Variants in NBEAL1 observed in about 807,000 individuals in gnomAD.
The protein encoded by NBEAL1 is neurobeachin-like protein 1.
Under a neutral mutation model 351.3 loss-of-function variants are expected in NBEAL1, and 273 were observed. The observed-to-expected ratio is 0.78, with a 90% CI of 0.70 to 0.86. NBEAL1 has a LOEUF of 0.86. Among genes scored for constraint, NBEAL1 ranks in the 40% least tolerant of loss-of-function variants. The probability of loss-of-function intolerance (pLI) is 0.00; values close to 1 mark genes in which losing one functional copy is unlikely to be tolerated. For synonymous variants in NBEAL1, 1,050 were observed against 1,086.4 expected (o/e 0.97, Z 0.66); for missense variants, 2,961 against 3,201.3 (o/e 0.92, Z 1.81).
rs1310035939 is a variant in NBEAL1, at chr2:203,127,785, G to A, written c.3253G>A (p.Gly1085Ser). 7 of 1,491,350 alleles carry A rather than the reference G, an allele frequency of 4.7e-6. No homozygotes were observed. The East Asian group carries it at 1.7e-4, about 37-fold the overall frequency. The allele number at this position is 1,491,350 out of a possible 1,614,324, so 92.4% of individuals were successfully genotyped here. Residue 1085 changes from glycine (G) to serine (S), a missense_variant, in exon 24 of 56, where the codon GGT (glycine) becomes AGT (serine). Coordinates refer to ENST00000683969, the MANE Select transcript of NBEAL1 (RefSeq NM_001378026.1). ...LDTLRIYYGN[G>S]CKYNELSLDD... The stretch of plus-strand genomic sequence containing the variant: ...ATACTTTGTTTTGTCTTTCAGGAAT[G>A]GTTGTAAATATAATGAACTATCTCT...
chr2:203,108,015 A>G lies in NBEAL1; in HGVS notation c.1776A>G (p.Leu592=). The change falls in exon 14 of 56, where the codon CTA becomes CTG. Residue 592 remains leucine (L), a synonymous_variant. Coordinates refer to ENST00000683969, the MANE Select transcript of NBEAL1 (RefSeq NM_001378026.1). ...TGACAATGGCCCGAAAACTAAGTCT[A>G]GAGAGTGCCCTCCAGTATTTCAATT... ...AILTMARKLS[L]ESALQYFNLS... is the part of the protein sequence containing the mutation. 6.4e-7 allele frequency: 1 copy of G among 1,554,338 alleles called. No homozygotes were observed. The highest frequency in any genetic ancestry group is 8.7e-7 in the Non-Finnish European group (1 of 1,147,864).
rs1472526146 is a variant in NBEAL1, at chr2:203,108,168, G to GA, written c.1933dup (p.Arg645LysfsTer16). 3.9e-6 allele frequency: 6 copies of GA among 1,549,910 alleles called. No homozygotes were observed. In the Admixed American group the frequency reaches 1.2e-4, roughly 30 times the overall value. On this transcript the variant is annotated frameshift_variant, in exon 14 of 56. Coordinates refer to ENST00000683969, the MANE Select transcript of NBEAL1 (RefSeq NM_001378026.1). LOFTEE classifies it high-confidence loss of function. ...CTCTTGGCATTGCTAACAAAGGAGG[G>GA]AAAAGGAAACAATTGTACAGGTATT...
Position 203,130,403 on chromosome 2 carries a change from G to A in NBEAL1, c.3491G>A (p.Gly1164Glu). 4 of 1,534,476 alleles carry A rather than the reference G, an allele frequency of 2.6e-6. No individual in the cohort carries two copies. Among genetic ancestry groups the A allele is most frequent in the Non-Finnish European group, 3.5e-6 (4 of 1,140,860 alleles). Residue 1164 changes from glycine (G) to glutamate (E), a missense_variant, in exon 25 of 56, where the codon GGA becomes GAA. By Grantham distance (98) the Gly-to-Glu change is moderately conservative. Coordinates refer to ENST00000683969, the MANE Select transcript of NBEAL1 (RefSeq NM_001378026.1). The part of the protein sequence containing the change: ...GQLFLLLFEP[G>E]NADILYALLL... ...CTTTTCTTACTGCTTTTTGAACCAG[G>A]AAATGCTGACATACTGTACGCATTG...
Position 203,145,052 on chromosome 2 carries a change from C to T in NBEAL1, c.5196C>T (p.Tyr1732=), listed in dbSNP as rs753279385. Residue 1732 remains tyrosine, a synonymous_variant, in exon 33 of 56, where the codon TAC becomes TAT. Transcript: ENST00000683969. ...AGCAGTATGAAGCTCATACATTTTA[C>T]GATGGTCATGAGAACATGGCACTTT... is the stretch of plus-strand genomic sequence containing the variant. ...YMKQYEAHTF[Y]DGHENMALYW... 23 of 1,609,784 alleles carry T rather than the reference C, an allele frequency of 1.4e-5. No homozygotes were observed. Among genetic ancestry groups the T allele is most frequent in the East Asian group, 4.5e-5 (2 of 44,750 alleles).
chr2:203,195,917 T>C (rs1315396238), intron 47 of NBEAL1, among the ~76,000 whole-genome samples: 1 of 152,198 alleles, frequency 6.6e-6, no homozygotes, highest in Non-Finnish European at 1.5e-5. Flanking sequence ...ACAAACACTC[T>C]AGGTGTAGTG....
intron 31 of NBEAL1, among the ~76,000 whole-genome samples, chr2:203,144,186 G>A (rs953766178): frequency 4.7e-5 from 7 of 148,254 alleles, no homozygotes; most frequent in Non-Finnish European, 1.0e-4. Flanking sequence ...ACCCCAACCC[G>A]GGCAACAGTG....
chr2:203,028,925 A>G (rs949028852), intron 2 of NBEAL1, among the ~76,000 whole-genome samples: 17 of 152,048 alleles, frequency 1.1e-4, no homozygotes, highest in African/African-American at 3.9e-4. Context: ...AACCTTCCCT[A>G]CCATCTATAT....
Position 203,213,602 on chromosome 2 carries a change from A to G in NBEAL1, c.8019A>G (p.Val2673=). The G allele has an allele frequency of 6.2e-7, 1 of 1,613,890 alleles. No individual in the cohort carries two copies. The highest frequency in any genetic ancestry group is 8.5e-7 in the Non-Finnish European group (1 of 1,179,786). Residue 2673 remains valine (V), a synonymous_variant, in exon 55 of 56, where the codon GTA becomes GTG. Coordinates refer to ENST00000683969, the MANE Select transcript of NBEAL1 (RefSeq NM_001378026.1). ...CCAAAGAATACAGCCATATTCTTGT[A>G]GGTTTAGAAGATGGCAAATTGATTG... is the stretch of plus-strand genomic sequence containing the variant. ...CVTKEYSHIL[V]GLEDGKLIVV...
At chr2:203,191,126 T>C in intron 46 of NBEAL1, 4 of 1,594,940 alleles carry the variant, frequency 2.5e-6, no homozygotes, top group African/African-American at 1.3e-5. Flanking sequence ...GTTCGACAGA[T>C]GCGGCACCGA....
At chr2:203,151,629 T>C (rs1189766826) in intron 35 of NBEAL1, 40 bp downstream of exon 35, 1 of 1,548,346 alleles carries the variant, frequency 6.5e-7, no homozygotes, top group Non-Finnish European at 8.7e-7. Context: ...TTGAAGATAA[T>C]GAGAGTGTTC....
At chr2:203,095,954 A>G (rs777795355) in intron 10 of NBEAL1, among the ~76,000 whole-genome samples, 2 of 151,008 alleles carry the variant, frequency 1.3e-5, no homozygotes, top group Admixed American at 6.6e-5. Context: ...GGGTTTCACC[A>G]TGTTGGCCAG....
intron 4 of NBEAL1, among the ~76,000 whole-genome samples, chr2:203,053,462 A>G (rs554597990): frequency 1.3e-5 from 2 of 152,168 alleles, no homozygotes; most frequent in South Asian, 4.1e-4. Flanking sequence ...CTGTTTTGAG[A>G]TGTAATTCCT....
intron 29 of NBEAL1, among the ~76,000 whole-genome samples, 170 bp from the exon 30 acceptor site, chr2:203,137,990 CAA>C (rs112429768): frequency 5.0e-4 from 72 of 143,664 alleles, no homozygotes; most frequent in Non-Finnish European, 4.8e-4. Context: ...CACTCCGTCT[CAA>C]AAAAAAAAAA....
intron 6 of NBEAL1, among the ~76,000 whole-genome samples, chr2:203,059,475 G>T (rs777377950): frequency 3.3e-5 from 5 of 152,234 alleles, no homozygotes; most frequent in Non-Finnish European, 5.9e-5. Flanking sequence ...TGGTCACCAT[G>T]TGTGAGAGAA....
rs2065963782 is a variant in NBEAL1 at position 203,222,534 on chromosome 2, A to T, written c.*5180A>T. On this transcript the variant is annotated 3_prime_UTR_variant, in exon 56 of 56. Transcript: ENST00000683969. ...TTATTATCTTTGTTTTGCCTGCCACAAAAACAACAAAATCTCCTTTCAATT... is the reference window on the plus strand; with the variant it reads ...TTATTATCTTTGTTTTGCCTGCCACTAAAACAACAAAATCTCCTTTCAATT... Among the ~76,000 whole-genome samples, 1 of 152,192 alleles carries T rather than the reference A, an allele frequency of 6.6e-6. No homozygotes were observed. Among genetic ancestry groups the T allele is most frequent in the South Asian group, 2.1e-4 (1 of 4,836 alleles).
Position 203,166,149 on chromosome 2 carries a change from T to A in NBEAL1, c.5715T>A (p.Val1905=), listed in dbSNP as rs1300732979. The A allele has an allele frequency of 6.4e-7, 1 of 1,555,712 alleles. No individual in the cohort carries two copies. Among genetic ancestry groups the A allele is most frequent in the African/African-American group, 1.4e-5 (1 of 71,242 alleles). ...GTTTATTGGCTTCTTGTTTTTACAG[T>A]GATGAGAAAGAAGAACAGGATCAAA... The part of the protein sequence containing the change: ...PEEDITARVN[V]DEKEEQDQKE... Residue 1905 remains valine, a splice_region_variant and synonymous_variant, in exon 37 of 56, where the codon GTT becomes GTA. Transcript: ENST00000683969.
At chr2:203,131,946 TGA>T in intron 25 of NBEAL1, 25 bp from the exon 26 acceptor site, 1 of 1,465,212 alleles carries the variant, frequency 6.8e-7, no homozygotes, top group Non-Finnish European at 9.1e-7. Flanking sequence ...TTTTCTATAT[TGA>T]GAATATATTA....
intron 51 of NBEAL1, among the ~76,000 whole-genome samples, chr2:203,204,876 C>G (rs1234519280): frequency 1.3e-5 from 2 of 152,008 alleles, no homozygotes; most frequent in African/African-American, 4.8e-5. Context: ...TTTGCCAAAT[C>G]CTCTTATCAA....
chr2:203,199,565 GAC>G, intron 49 of NBEAL1, 118 bp downstream of exon 49: 3 of 553,098 alleles, frequency 5.4e-6, no homozygotes, highest in Non-Finnish European at 9.3e-6. Context: ...TTTTTTTTGA[GAC>G]AGAGTCTTGC....
Sources: allele counts gnomAD v4.1 joint callset (sites outside exome capture counted in the v4.1 genomes callset), GRCh38; gene constraint gnomAD v4.1.1; transcripts MANE v1.5; gene names NCBI Gene and HGNC (gene_info 2026-07-23, HGNC 2026-07-21).